The following MRTFB variants were observed in gnomAD, a reference collection of about 807,000 sequenced individuals.
MRTFB encodes the protein myocardin-related transcription factor B.
MRTFB carries 29 observed loss-of-function variants against 104.2 expected under a neutral mutation model. That is an observed-to-expected ratio of 0.28 (90% CI 0.21 to 0.38). The LOEUF is 0.38. MRTFB is among the 10% of genes least tolerant of loss of function. The pLI is 1.00. For synonymous variants in MRTFB, 535 were observed against 519.5 expected, an observed-to-expected ratio of 1.03 and a Z score of -0.41; for missense variants, 1,270 against 1,341.6, an observed-to-expected ratio of 0.95 and a Z score of 0.83.
At chr16:14,130,355 C>T (rs1266728156) in intron 2 of MRTFB, among the ~76,000 whole-genome samples, 4 of 152,166 alleles carry the variant, frequency 2.6e-5, no homozygotes, top group African/African-American at 9.6e-5. Context: ...TTGTTTTTGA[C>T]AATTTTGTCC....
intron 3 of MRTFB, among the ~76,000 whole-genome samples, chr16:14,153,462 C>T (rs527374640): frequency 6.6e-6 from 1 of 152,242 alleles, no homozygotes; most frequent in South Asian, 2.1e-4. Flanking sequence ...CTTGTTTGTG[C>T]ATAGAAATCA....
At chr16:14,137,102 C>T (rs890891924) in intron 2 of MRTFB, among the ~76,000 whole-genome samples, 5 of 152,024 alleles carry the variant, frequency 3.3e-5, no homozygotes, top group African/African-American at 4.8e-5. Flanking sequence ...CAATTATTGA[C>T]GACTATACAG....
chr16:14,237,444 T>C (rs551064922), intron 9 of MRTFB, among the ~76,000 whole-genome samples: 4 of 152,330 alleles, frequency 2.6e-5, no homozygotes, highest in Non-Finnish European at 4.4e-5. Context: ...CGGTTTAACG[T>C]TGAAGCACAG....
chr16:14,211,284 C>T (rs1429462211), intron 4 of MRTFB, among the ~76,000 whole-genome samples: 1 of 152,178 alleles, frequency 6.6e-6, no homozygotes, highest in African/African-American at 2.4e-5. Context: ...ACCACCACAT[C>T]CCTGACTATG....
At chr16:14,125,324 C>T (rs1201910184) in intron 2 of MRTFB, among the ~76,000 whole-genome samples, 1 of 152,212 alleles carries the variant, frequency 6.6e-6, no homozygotes, top group Non-Finnish European at 1.5e-5. Context: ...GCCCCTCCAG[C>T]AAGGCCATTT....
the MRTFB span, chr16:14,020,823 C>T: frequency 1.3e-5 from 2 of 152,308 alleles, no homozygotes; most frequent in Non-Finnish European, 2.9e-5. Context: ...GCAGGATCCT[C>T]CTCTGTTTGG....
intron 3 of MRTFB, chr16:14,200,148 T>C (rs1048671637): frequency 1.4e-6 from 1 of 705,382 alleles, no homozygotes; most frequent in African/African-American, 1.8e-5. Flanking sequence ...TTTATAGGTA[T>C]ATCATCAAAG....
chr16:14,194,226 CT>C (rs971363591), intron 3 of MRTFB, among the ~76,000 whole-genome samples: 1 of 152,182 alleles, frequency 6.6e-6, no homozygotes, highest in Non-Finnish European at 1.5e-5. Flanking sequence ...GGTGGACTAC[CT>C]GGCTTAAACA....
intron 3 of MRTFB, among the ~76,000 whole-genome samples, chr16:14,183,085 C>T (rs1031893078): frequency 2.6e-5 from 4 of 152,232 alleles, no homozygotes; most frequent in South Asian, 4.1e-4. Flanking sequence ...AGAATAATTT[C>T]GCCATGGAGA....
intron 13 of MRTFB, 134 bp from the exon 14 acceptor site, chr16:14,251,728 A>C (rs1597380721): frequency 4.4e-6 from 4 of 908,914 alleles, no homozygotes; most frequent in Non-Finnish European, 6.6e-6. Flanking sequence ...CAGGTGACCC[A>C]CAAATCATAA....
chr16:14,190,075 A>T (rs1216803260), intron 3 of MRTFB, among the ~76,000 whole-genome samples: 2 of 152,232 alleles, frequency 1.3e-5, no homozygotes, highest in African/African-American at 4.8e-5. Context: ...AATTGTGTGG[A>T]TAATAAAGCA....
the MRTFB span, among the ~76,000 whole-genome samples, chr16:14,030,840 G>A: frequency 2.0e-5 from 3 of 152,262 alleles, no homozygotes; most frequent in East Asian, 5.8e-4. Flanking sequence ...TATGCAAGAG[G>A]CATTGATCTA....
chr16:14,076,011 A>T (rs946309643), intron 1 of MRTFB, among the ~76,000 whole-genome samples: 4 of 152,102 alleles, frequency 2.6e-5, no homozygotes, highest in Non-Finnish European at 5.9e-5. Context: ...ATAACCTTTC[A>T]TTTGTTTCCT....
intron 2 of MRTFB, among the ~76,000 whole-genome samples, chr16:14,132,597 A>G (rs1567362349): frequency 1.3e-5 from 2 of 152,200 alleles, no homozygotes; most frequent in Non-Finnish European, 2.9e-5. Flanking sequence ...ATATTAACAC[A>G]TTTTACAAGA....
At chr16:14,239,044 G>A (rs556180217) in intron 9 of MRTFB, among the ~76,000 whole-genome samples, 6 of 152,268 alleles carry the variant, frequency 3.9e-5, no homozygotes, top group South Asian at 2.1e-4. Context: ...AACAGCACAC[G>A]TTTGGTTCTC....
At chr16:14,048,043 T>TG in the MRTFB span, among the ~76,000 whole-genome samples, 1 of 152,078 alleles carries the variant, frequency 6.6e-6, no homozygotes, top group Non-Finnish European at 1.5e-5. Flanking sequence ...CTAGATACAA[T>TG]GGGGGTACAG....
At chr16:14,203,125 C>T (rs2040782034) in intron 3 of MRTFB, among the ~76,000 whole-genome samples, 1 of 152,002 alleles carries the variant, frequency 6.6e-6, no homozygotes, top group South Asian at 2.1e-4. Flanking sequence ...TTCATCTAAT[C>T]CTCACTTGAC....
chr16:14,039,771 T>C, the MRTFB span, among the ~76,000 whole-genome samples: 1 of 150,096 alleles, frequency 6.7e-6, no homozygotes, highest in African/African-American at 2.4e-5. Context: ...TTTTTTTTTT[T>C]TTTTTTTTAT....
chr16:14,036,286 TTATATATATTTATATATATA>T, the MRTFB span, among the ~76,000 whole-genome samples: 8 of 41,220 alleles, frequency 1.9e-4, no homozygotes, highest in Non-Finnish European at 3.8e-4. Context: ...TATATGTATT[TTATATATATTTATATATATA>T]TATATATATA....
Sources: allele counts gnomAD v4.1 joint callset (sites outside exome capture counted in the v4.1 genomes callset), GRCh38; gene constraint gnomAD v4.1.1; transcripts MANE v1.5; gene names NCBI Gene and HGNC (gene_info 2026-07-23, HGNC 2026-07-21).